Variants in PLXDC2 observed in about 807,000 individuals in gnomAD.
The protein encoded by PLXDC2 is plexin domain containing 2.
PLXDC2 carries 40 observed loss-of-function variants against 68.9 expected under a neutral mutation model. That is an observed-to-expected ratio of 0.58 (90% CI 0.45 to 0.76). The LOEUF is 0.76. PLXDC2 is among the 30% of genes least tolerant of loss of function. PLXDC2 has a pLI of 0.00. For missense variants in PLXDC2, 644 were observed against 661.9 expected (o/e 0.97, Z 0.30); for synonymous variants, 243 against 234.2 (o/e 1.04, Z -0.34).
chr10:20,214,613 A>G (rs954781681), intron 10 of PLXDC2, among the ~76,000 whole-genome samples: 1 of 152,174 alleles, frequency 6.6e-6, no homozygotes, highest in Non-Finnish European at 1.5e-5. Context: ...GGAGGGGAAT[A>G]AACAATGGAA....
chr10:19,926,349 T>A (rs1162100715), intron 1 of PLXDC2, among the ~76,000 whole-genome samples: 6 of 152,234 alleles, frequency 3.9e-5, no homozygotes, highest in African/African-American at 1.4e-4. Context: ...AAATTACAGT[T>A]CTGCCATAGG....
chr10:20,140,413 C>A (rs900765914), intron 4 of PLXDC2, among the ~76,000 whole-genome samples: 1 of 146,524 alleles, frequency 6.8e-6, no homozygotes, highest in African/African-American at 2.5e-5. Flanking sequence ...AAATATCTAT[C>A]TATCTATCTA....
At chr10:20,000,066 A>T (rs1157457775) in intron 1 of PLXDC2, among the ~76,000 whole-genome samples, 1 of 152,170 alleles carries the variant, frequency 6.6e-6, no homozygotes, top group Non-Finnish European at 1.5e-5. Flanking sequence ...CTCCAGAAAG[A>T]CTGTCAACAA....
chr10:20,179,801 A>G (rs866209098), intron 9 of PLXDC2, among the ~76,000 whole-genome samples: 1 of 152,110 alleles, frequency 6.6e-6, no homozygotes, highest in Non-Finnish European at 1.5e-5. Context: ...TTCAAATATC[A>G]AACTTAACAT....
At chr10:19,883,904 T>TTTTTTTTTTTTTTTTTTTTTTTTTTC (rs1837788078) in intron 1 of PLXDC2, among the ~76,000 whole-genome samples, 1 of 119,186 alleles carries the variant, frequency 8.4e-6, no homozygotes, top group African/African-American at 3.3e-5. Context: ...TTTTTTTTTT[T>TTTTTTTTTTTTTTTTTTTTTTTTTTC]TTTTTTTAGC....
chr10:19,976,778 T>G (rs1834463964), intron 1 of PLXDC2, among the ~76,000 whole-genome samples: 2 of 152,098 alleles, frequency 1.3e-5, no homozygotes, highest in Admixed American at 1.3e-4. Context: ...GGTGGTCTAT[T>G]ATTGAGTTCT....
At chr10:20,004,387 A>T (rs11011730) in intron 2 of PLXDC2, among the ~76,000 whole-genome samples, 1 of 152,076 alleles carries the variant, frequency 6.6e-6, no homozygotes, top group African/African-American at 2.4e-5. Context: ...GTGGCCTGCT[A>T]TTTTGGCAAT....
Position 20,273,619 on chromosome 10 carries a change from A to G in PLXDC2, c.1474-6084A>G, listed in dbSNP as rs115316910. On this transcript the variant is annotated intron_variant, in intron 13 of 13. Transcript: ENST00000377252. The stretch of plus-strand genomic sequence containing the variant: ...CCCTTCAATCACATGTACAACCACA[A>G]TATGTGAAAACAATGTGACAAGAGA... 4.8e-3 allele frequency among the ~76,000 whole-genome samples: 734 copies of G among 152,344 alleles called. 7 individuals are homozygous for G. The highest frequency in any genetic ancestry group is 0.017 in the African/African-American group (696 of 41,580).
chr10:20,216,104 A>G (rs1588522702), intron 10 of PLXDC2, among the ~76,000 whole-genome samples: 1 of 152,072 alleles, frequency 6.6e-6, no homozygotes, highest in Non-Finnish European at 1.5e-5. Flanking sequence ...TAGAAAAAAA[A>G]ACTAAAAAAA....
At chr10:20,068,685 C>T (rs1836261350) in intron 4 of PLXDC2, among the ~76,000 whole-genome samples, 1 of 149,674 alleles carries the variant, frequency 6.7e-6, no homozygotes. Context: ...AAACACACAA[C>T]CATATGTGCA....
intron 4 of PLXDC2, among the ~76,000 whole-genome samples, chr10:20,084,211 G>A (rs532077146): frequency 6.6e-6 from 1 of 152,262 alleles, no homozygotes; most frequent in South Asian, 2.1e-4. Context: ...CTTGCAGGAT[G>A]GCCAGACATT....
At chr10:19,962,403 T>C (rs1398681214) in intron 1 of PLXDC2, among the ~76,000 whole-genome samples, 2 of 132,228 alleles carry the variant, frequency 1.5e-5, no homozygotes, top group Admixed American at 7.4e-5. Context: ...TTTTTTTTTT[T>C]TTTTTGAGAT....
intron 1 of PLXDC2, among the ~76,000 whole-genome samples, chr10:19,924,538 A>G (rs1833508350): frequency 6.6e-6 from 1 of 152,248 alleles, no homozygotes; most frequent in African/African-American, 2.4e-5. Flanking sequence ...GTCCTTATGT[A>G]TTCACAGATG....
intron 2 of PLXDC2, among the ~76,000 whole-genome samples, chr10:20,039,143 C>T (rs958152788): frequency 9.9e-5 from 15 of 152,260 alleles, no homozygotes; most frequent in African/African-American, 2.9e-4. Context: ...GTATCTTCCT[C>T]CTCCCCTTGG....
Position 20,206,866 on chromosome 10 carries a change from A to ACC in PLXDC2, c.1062-4802_1062-4801insCC, listed in dbSNP as rs912099406. 1.0e-4 allele frequency among the ~76,000 whole-genome samples: 15 copies of ACC among 148,338 alleles called. No homozygotes were observed. The East Asian group carries it at 2.0e-3, about 19-fold the overall frequency. The stretch of plus-strand genomic sequence containing the variant: ...TGCTTTGAAACACACACACACACAC[A>ACC]CACACACAGACACACACACACACAG... On this transcript the variant is annotated intron_variant, in intron 9 of 13. Coordinates refer to ENST00000377252, the MANE Select transcript of PLXDC2 (RefSeq NM_032812.9).
At chr10:20,145,231 A>G (rs1834061271) in intron 5 of PLXDC2, among the ~76,000 whole-genome samples, 1 of 152,242 alleles carries the variant, frequency 6.6e-6, no homozygotes, top group Non-Finnish European at 1.5e-5. Flanking sequence ...GACTTATTCC[A>G]TAGGAATCAA....
Position 20,287,203 on chromosome 10 carries a change from C to G in PLXDC2, c.*7384C>G, listed in dbSNP as rs1836167447. ...AGTCTAAAATGCAGCCATCACCCCC[C>G]ATACCTCTTCTATGGCATTCATCCT... On this transcript the variant is annotated 3_prime_UTR_variant, in exon 14 of 14. Transcript: ENST00000377252. 1.3e-5 allele frequency: 2 copies of G among 152,224 alleles called. No homozygotes were observed. Among genetic ancestry groups the G allele is most frequent in the Admixed American group, 6.5e-5 (1 of 15,284 alleles). The allele number at this position is 152,224 out of a possible 1,614,324, so 9.4% of individuals were successfully genotyped here.
intron 5 of PLXDC2, among the ~76,000 whole-genome samples, chr10:20,143,990 C>G (rs1834040804): frequency 8.1e-6 from 1 of 123,040 alleles, no homozygotes; most frequent in Non-Finnish European, 1.8e-5. Context: ...CTTTTTGGGA[C>G]ATATAAAATA....
Position 19,896,474 on chromosome 10 carries a change from G to C in PLXDC2, c.112+79283G>C, listed in dbSNP as rs140547751. Among the ~76,000 whole-genome samples, 8 of 152,240 alleles carry C rather than the reference G, an allele frequency of 5.3e-5. No individual in the cohort carries two copies. The East Asian group carries it at 7.7e-4, about 15-fold the overall frequency. ...TTTTTGGGATTGAATGAAGGAATGA[G>C]TATAAAGTACCAGACATAAATAAGT... is the stretch of plus-strand genomic sequence containing the variant. On this transcript the variant is annotated intron_variant, in intron 1 of 13. Coordinates refer to ENST00000377252, the MANE Select transcript of PLXDC2 (RefSeq NM_032812.9).
Sources: allele counts gnomAD v4.1 joint callset (sites outside exome capture counted in the v4.1 genomes callset), GRCh38; gene constraint gnomAD v4.1.1; transcripts MANE v1.5; gene names NCBI Gene and HGNC (gene_info 2026-07-23, HGNC 2026-07-21).